RASSF8: variants seen among roughly 807,000 people sequenced by gnomAD.
RASSF8 encodes the protein ras association domain-containing protein 8.
RASSF8 carries 22 observed loss-of-function variants against 48.5 expected under a neutral mutation model. The ratio of observed to expected loss-of-function variants is 0.45; its 90% confidence interval spans 0.32 to 0.65. RASSF8 has a LOEUF of 0.65. Ranked by LOEUF, RASSF8 falls within the 30% of genes least tolerant of loss-of-function variation. RASSF8 has a pLI of 0.03. For missense variants in RASSF8, 418 were observed against 489.2 expected (o/e 0.85, Z 1.37); for synonymous variants, 127 against 171.5 (o/e 0.74, Z 2.03).
downstream of RASSF8, among the ~76,000 whole-genome samples, chr12:26,074,352 G>GT (rs566213176): frequency 2.6e-3 from 391 of 151,646 alleles, 3 homozygotes; most frequent in African/African-American, 9.3e-3. Context: ...CCTTCAGGAG[G>GT]TTTTTTTTGA....
intron 1 of RASSF8, among the ~76,000 whole-genome samples, chr12:25,975,619 A>G: frequency 6.6e-6 from 1 of 152,238 alleles, no homozygotes; most frequent in South Asian, 2.1e-4. Flanking sequence ...TGATGTTACA[A>G]AGATAAGAAA....
intron 1 of RASSF8, among the ~76,000 whole-genome samples, chr12:25,966,959 T>C (rs1565596467): frequency 1.3e-5 from 2 of 152,240 alleles, no homozygotes. Flanking sequence ...GTGTGAGTTA[T>C]GGATGGAAGT....
downstream of RASSF8, among the ~76,000 whole-genome samples, chr12:26,074,184 C>T (rs1054755007): frequency 6.6e-6 from 1 of 152,162 alleles, no homozygotes; most frequent in Non-Finnish European, 1.5e-5. Context: ...TCACCCACTA[C>T]CCTCTCCACA....
chr12:26,066,712 C>A (rs1189453282), intron 4 of RASSF8, among the ~76,000 whole-genome samples: 1 of 152,186 alleles, frequency 6.6e-6, no homozygotes, highest in Non-Finnish European at 1.5e-5. Flanking sequence ...CCCAAGTACC[C>A]CCTACACTCA....
In RASSF8 at chr12:25,960,303, T is replaced by C. The variant is rs568907401; in HGVS notation, c.-203+1155T>C. Reference sequence around the variant, plus strand: ...CATCATGTTATGAAGGAACAGAAAATGAGAAGCTTTCTTAATGGGTTTTCG... The same window carrying C: ...CATCATGTTATGAAGGAACAGAAAACGAGAAGCTTTCTTAATGGGTTTTCG... On this transcript the variant is annotated intron_variant, in intron 1 of 5. Coordinates refer to ENST00000689635, the MANE Select transcript of RASSF8 (RefSeq NM_001394098.1). 1.2e-3 allele frequency among the ~76,000 whole-genome samples: 180 copies of C among 152,216 alleles called. 1 individual carries two copies. Among genetic ancestry groups the C allele is most frequent in the African/African-American group, 4.1e-3 (171 of 41,550 alleles).
chr12:26,059,836 C>T (rs1348760999), intron 3 of RASSF8, among the ~76,000 whole-genome samples: 1 of 152,104 alleles, frequency 6.6e-6, no homozygotes, highest in South Asian at 2.1e-4. Context: ...GTAGTGTTTT[C>T]TACTTATTTT....
chr12:26,064,875 A>C lies in RASSF8; in HGVS notation c.481A>C (p.Thr161Pro). The C allele has an allele frequency of 6.2e-7, 1 of 1,614,240 alleles. No homozygotes were observed. The change falls in exon 4 of 6, where the codon ACA (threonine) becomes CCA (proline). Residue 161 changes from threonine to proline, a missense_variant. Transcript: ENST00000689635. ...GCAAAAGGTGCTGAATAACTGCAAA[A>C]CAACAGCAGATGAGTTGAAGAAGCT... ...FKQKVLNNCK[T>P]TADELKKLIR... is the part of the protein sequence containing the mutation.
chr12:26,047,179 C>T (rs1943390287), intron 2 of RASSF8, among the ~76,000 whole-genome samples: 8 of 152,072 alleles, frequency 5.3e-5, no homozygotes, highest in Admixed American at 5.2e-4. Flanking sequence ...TTTTTATGTT[C>T]CTTTTTATAA....
At chr12:25,987,018 CTCGCCTCCCGGGT>C (rs148988711) in intron 1 of RASSF8, among the ~76,000 whole-genome samples, 8,383 of 152,182 alleles carry the variant, frequency 0.055, 301 homozygotes, top group Middle Eastern at 0.095. Flanking sequence ...TCACCGCAAC[CTCGCCTCCCGGGT>C]TCAAGCGATT....
At chr12:26,058,775 G>A (rs1943673103) in intron 3 of RASSF8, among the ~76,000 whole-genome samples, 3 of 152,222 alleles carry the variant, frequency 2.0e-5, no homozygotes, top group Non-Finnish European at 4.4e-5. Context: ...TTTGATGAAA[G>A]ATGTTGAATC....
intron 1 of RASSF8, among the ~76,000 whole-genome samples, chr12:25,984,236 T>C (rs545937876): frequency 5.5e-4 from 79 of 144,338 alleles, no homozygotes; most frequent in Admixed American, 9.6e-4. Flanking sequence ...TTTTTTTTTT[T>C]TTTTTTTTTT....
At chr12:26,029,258 G>A (rs977171143) in intron 2 of RASSF8, among the ~76,000 whole-genome samples, 3 of 152,206 alleles carry the variant, frequency 2.0e-5, no homozygotes, top group African/African-American at 7.2e-5. Context: ...AGGGAGAGGT[G>A]TGGGGCAGGT....
intron 2 of RASSF8, among the ~76,000 whole-genome samples, chr12:26,039,322 C>T (rs1372242979): frequency 6.6e-6 from 1 of 152,116 alleles, no homozygotes; most frequent in Non-Finnish European, 1.5e-5. Context: ...GGGATAATAG[C>T]AGGTCCAGGT....
intron 2 of RASSF8, among the ~76,000 whole-genome samples, chr12:26,027,289 A>G (rs1942935378): frequency 6.6e-6 from 1 of 152,194 alleles, no homozygotes; most frequent in Admixed American, 6.5e-5. Context: ...AATTTTGTGA[A>G]TATATTTAAA....
At chr12:26,029,996 A>T (rs1942995139) in intron 2 of RASSF8, among the ~76,000 whole-genome samples, 1 of 152,192 alleles carries the variant, frequency 6.6e-6, no homozygotes, top group African/African-American at 2.4e-5. Context: ...CACTTTATTT[A>T]AAAAGAGTTT....
chr12:26,004,006 A>G (rs918774863), intron 2 of RASSF8, among the ~76,000 whole-genome samples: 4 of 152,096 alleles, frequency 2.6e-5, no homozygotes, highest in African/African-American at 9.6e-5. Context: ...GTGAAACCCT[A>G]TCTCTACAAA....
At position 26,069,392 on chromosome 12, in the gene RASSF8, C is replaced by G; in HGVS notation, c.*574C>G. On this transcript the variant is annotated 3_prime_UTR_variant, in exon 6 of 6. Transcript: ENST00000689635. ...CTTGCATTTGTTTTGTGAAACTGTC[C>G]TAGCCATTGCTTAATTAGGTGAAAT... is the stretch of plus-strand genomic sequence containing the variant. 1 of 985,026 alleles carries G rather than the reference C, an allele frequency of 1.0e-6. No individual in the cohort carries two copies. The allele number at this position is 985,026 out of a possible 1,614,324, so 61.0% of individuals were successfully genotyped here. A position where few individuals can be genotyped will look rare whatever the true frequency, so the allele number is the denominator to read the frequency against.
intron 1 of RASSF8, among the ~76,000 whole-genome samples, chr12:25,980,784 CTAAT>C (rs1010562860): frequency 6.6e-6 from 1 of 151,966 alleles, no homozygotes; most frequent in African/African-American, 2.4e-5. Context: ...AAAAATCACT[CTAAT>C]TAAAAAAAAT....
chr12:26,058,869 G>C (rs961354713), intron 3 of RASSF8, among the ~76,000 whole-genome samples: 15 of 152,208 alleles, frequency 9.9e-5, no homozygotes, highest in African/African-American at 3.4e-4. Context: ...ATGCTCAAAT[G>C]ATGACAGAAT....
Sources: allele counts gnomAD v4.1 joint callset (sites outside exome capture counted in the v4.1 genomes callset), GRCh38; gene constraint gnomAD v4.1.1; transcripts MANE v1.5; gene names NCBI Gene and HGNC (gene_info 2026-07-23, HGNC 2026-07-21).